Variants in RAB4A observed in about 807,000 individuals in gnomAD.
RAB4A encodes the protein RAB4A, member RAS oncogene family.
In RAB4A, 20 loss-of-function variants were observed where a neutral mutation model predicts 34.5. The ratio of observed to expected loss-of-function variants is 0.58; its 90% CI spans 0.41 to 0.84. The LOEUF (loss-of-function observed/expected upper bound fraction) is 0.84, where lower values mean the gene tolerates loss of function less well. Among genes scored for constraint, RAB4A ranks in the 40% least tolerant of loss-of-function variants. The pLI, the probability that RAB4A is intolerant of heterozygous loss-of-function variation, is 0.00. For synonymous variants in RAB4A, 102 were observed against 100.0 expected (o/e 1.02, Z -0.12); for missense variants, 228 against 274.5 (o/e 0.83, Z 1.20).
chr1:229,288,724 T>C lies in RAB4A; in HGVS notation c.113-5T>C, dbSNP rs1207193826. The C allele has an allele frequency of 4.2e-6, 6 of 1,433,488 alleles. No individual in the cohort carries two copies. The highest frequency in any genetic ancestry group is 1.2e-5 in the South Asian group (1 of 82,144). 88.8% of individuals were successfully genotyped at this position (1,433,488 alleles called of 1,614,324 possible). A position where few individuals can be genotyped will look rare whatever the true frequency, so the allele number is the denominator to read the frequency against. On this transcript the variant is annotated splice_polypyrimidine_tract_variant and splice_region_variant and intron_variant, in intron 2 of 7. Transcript: ENST00000366690. ...AAATATGCTGTTCTTGTTTTTCTTT[T>C]TTAGTCAAAGATGACTCAAATCATA...
At position 229,271,227 on chromosome 1, in the gene RAB4A, C is replaced by T. The variant is rs929598494; in HGVS notation, c.-113C>T. 3 of 1,097,558 alleles carry T rather than the reference C, an allele frequency of 2.7e-6. No homozygotes were observed. The African/African-American group carries it at 5.0e-5, about 18-fold the overall frequency. 68.0% of individuals were successfully genotyped at this position (1,097,558 alleles called of 1,614,324 possible). A position where few individuals can be genotyped will look rare whatever the true frequency, so the allele number is the denominator to read the frequency against. On this transcript the variant is annotated 5_prime_UTR_variant, in exon 1 of 8. Transcript: ENST00000366690. ...ACCGGCGGTTGCCGTGGGGACCGGT[C>T]GGGCCCCTCCCTCCTCCGGTCCCCC...
intron 1 of RAB4A, among the ~76,000 whole-genome samples, chr1:229,281,584 A>G (rs1028916150): frequency 4.6e-5 from 7 of 152,074 alleles, no homozygotes; most frequent in Non-Finnish European, 1.0e-4. Context: ...TCAGTCTTCC[A>G]ATCTTTGTCA....
At position 229,292,742 on chromosome 1, in the gene RAB4A, G is replaced by C. The variant is rs116642048; in HGVS notation, c.228-3106G>C. ...TTTGTTTGTTTGTTGCAAGCTGCACGGGTTTCTTTGTTCTCCAAGGATAGT... is the reference window on the plus strand; with the variant it reads ...TTTGTTTGTTTGTTGCAAGCTGCACCGGTTTCTTTGTTCTCCAAGGATAGT... On this transcript the variant is annotated intron_variant, in intron 3 of 7. Transcript: ENST00000366690. 7.9e-5 allele frequency among the ~76,000 whole-genome samples: 12 copies of C among 152,292 alleles called. No homozygotes were observed. In the South Asian group the frequency reaches 2.3e-3, roughly 29 times the overall value.
intron 1 of RAB4A, among the ~76,000 whole-genome samples, chr1:229,285,937 C>T (rs1399329725): frequency 1.3e-5 from 2 of 152,190 alleles, no homozygotes; most frequent in Non-Finnish European, 2.9e-5. Context: ...AGACAAATTT[C>T]GCACTTGAAG....
chr1:229,289,068 G>A (rs971684295), intron 3 of RAB4A: 1 of 461,694 alleles, frequency 2.2e-6, no homozygotes, highest in African/African-American at 2.0e-5. Flanking sequence ...CCGCGCAACT[G>A]CATTATAATT....
At chr1:229,272,046 C>G (rs778276163) in intron 1 of RAB4A, among the ~76,000 whole-genome samples, 4 of 152,124 alleles carry the variant, frequency 2.6e-5, no homozygotes, top group Admixed American at 6.5e-5. Context: ...CCCTGCAGCA[C>G]CCAGACCTGG....
chr1:229,287,990 T>C (rs968421840), intron 2 of RAB4A, among the ~76,000 whole-genome samples: 37 of 152,240 alleles, frequency 2.4e-4, no homozygotes, highest in African/African-American at 8.0e-4. Context: ...GCAAAATACT[T>C]ATTTTGCCTG....
chr1:229,290,483 A>T (rs1657038737), intron 3 of RAB4A, among the ~76,000 whole-genome samples: 1 of 152,192 alleles, frequency 6.6e-6, no homozygotes, highest in South Asian at 2.1e-4. Context: ...TCCCAGTCAA[A>T]CAGCCCAGTC....
intron 6 of RAB4A, among the ~76,000 whole-genome samples, chr1:229,302,309 A>ATATATATATTT (rs1657431515): frequency 2.8e-5 from 1 of 35,900 alleles, no homozygotes; most frequent in Non-Finnish European, 5.4e-5. Flanking sequence ...ATATATATAT[A>ATATATATATTT]TTTTTTTTTT....
rs996665773 is a variant in RAB4A at position 229,293,169 on chromosome 1, A to G, written c.228-2679A>G. Among the ~76,000 whole-genome samples, 3 of 152,322 alleles carry G rather than the reference A, an allele frequency of 2.0e-5. No individual in the cohort carries two copies. In the East Asian group the frequency reaches 5.8e-4, roughly 29 times the overall value. On this transcript the variant is annotated intron_variant, in intron 3 of 7. Coordinates refer to ENST00000366690, the MANE Select transcript of RAB4A (RefSeq NM_004578.4). Reference sequence around the variant, plus strand: ...GGAGGAGATGCTTAGGAGACGAGGTATGGGGATGGGCCACCTCCCAGCACC... The same window carrying G: ...GGAGGAGATGCTTAGGAGACGAGGTGTGGGGATGGGCCACCTCCCAGCACC...
At chr1:229,280,627 G>T (rs1656757026) in intron 1 of RAB4A, among the ~76,000 whole-genome samples, 3 of 152,076 alleles carry the variant, frequency 2.0e-5, no homozygotes, top group Admixed American at 1.3e-4. Flanking sequence ...AAAATACGGA[G>T]TTCTCATGCA....
At chr1:229,273,885 ACAGT>A (rs980022979) in intron 1 of RAB4A, among the ~76,000 whole-genome samples, 14 of 152,170 alleles carry the variant, frequency 9.2e-5, no homozygotes, top group Admixed American at 2.6e-4. Flanking sequence ...TAAAAGTGAA[ACAGT>A]CAGGCTCTCT....
At chr1:229,295,819 T>G in intron 3 of RAB4A, 29 bp from the exon 4 acceptor site, 1 of 1,613,224 alleles carries the variant, frequency 6.2e-7, no homozygotes, top group East Asian at 2.2e-5. Flanking sequence ...CTCAATTGGT[T>G]GAAAGTAAAA....
chr1:229,299,291 G>A (rs1657321808), intron 6 of RAB4A, among the ~76,000 whole-genome samples: 1 of 152,152 alleles, frequency 6.6e-6, no homozygotes, highest in African/African-American at 2.4e-5. Flanking sequence ...AAAGTGGATG[G>A]GCACACCAGC....
At chr1:229,278,494 G>GTA (rs1656704473) in intron 1 of RAB4A, among the ~76,000 whole-genome samples, 1 of 152,158 alleles carries the variant, frequency 6.6e-6, no homozygotes, top group Admixed American at 6.5e-5. Flanking sequence ...ATGACCACCA[G>GTA]TAGATGTAAG....
intron 1 of RAB4A, among the ~76,000 whole-genome samples, chr1:229,273,874 T>C (rs138941265): frequency 1.5e-3 from 232 of 152,326 alleles, no homozygotes; most frequent in African/African-American, 5.4e-3. Flanking sequence ...GCATTGTTCC[T>C]TAAAAGTGAA....
rs530762171 is a variant in RAB4A at position 229,283,217 on chromosome 1, G to A, written c.32-3269G>A. ...GCTGGGTAAGGATTAGAATGTTCTC[G>A]TCCCTCTTTCCCTGGTGACCTCCAC... is the stretch of plus-strand genomic sequence containing the variant. On this transcript the variant is annotated intron_variant, in intron 1 of 7. Coordinates refer to ENST00000366690, the MANE Select transcript of RAB4A (RefSeq NM_004578.4). 2.4e-4 allele frequency among the ~76,000 whole-genome samples: 37 copies of A among 152,242 alleles called. No homozygotes were observed. The South Asian group carries it at 6.8e-3, about 28-fold the overall frequency.
At chr1:229,288,008 C>T (rs1428010727) in intron 2 of RAB4A, among the ~76,000 whole-genome samples, 1 of 152,176 alleles carries the variant, frequency 6.6e-6, no homozygotes, top group African/African-American at 2.4e-5. Flanking sequence ...CTGTCTCCTG[C>T]CCATTCAAAT....
At chr1:229,286,108 C>T (rs1397057444) in intron 1 of RAB4A, among the ~76,000 whole-genome samples, 2 of 152,178 alleles carry the variant, frequency 1.3e-5, no homozygotes, top group East Asian at 3.8e-4. Context: ...CAAAGTCTAC[C>T]AGGTTTATTC....
Sources: allele counts gnomAD v4.1 joint callset (sites outside exome capture counted in the v4.1 genomes callset), GRCh38; gene constraint gnomAD v4.1.1; transcripts MANE v1.5; gene names NCBI Gene and HGNC (gene_info 2026-07-23, HGNC 2026-07-21).